The following EXTL1 variants were observed in gnomAD, a reference collection of about 807,000 sequenced individuals.
The protein encoded by EXTL1 is exostosin like glycosyltransferase 1.
A neutral mutation model predicts 64.6 loss-of-function variants in EXTL1; 43 were observed. The observed-to-expected ratio is 0.67, with a 90% CI of 0.52 to 0.86. EXTL1 has a LOEUF of 0.86. Ranked by LOEUF, EXTL1 falls within the 40% of genes least tolerant of loss-of-function variation. EXTL1 has a pLI of 0.00. For synonymous variants in EXTL1, 352 were observed against 360.5 expected (o/e 0.98, Z 0.27); for missense variants, 766 against 879.0 (o/e 0.87, Z 1.62).
chr1:26,027,363 G>C (rs2050227715), intron 1 of EXTL1, among the ~76,000 whole-genome samples: 1 of 152,184 alleles, frequency 6.6e-6, no homozygotes, highest in Non-Finnish European at 1.5e-5. Flanking sequence ...CTATCTCATA[G>C]AGGTGCTGTG....
chr1:26,031,124 C>T lies in EXTL1; in HGVS notation c.1102-8C>T, dbSNP rs2050280630. On this transcript the variant is annotated splice_region_variant and splice_polypyrimidine_tract_variant and intron_variant, in intron 4 of 10. Coordinates refer to ENST00000374280, the MANE Select transcript of EXTL1 (RefSeq NM_004455.3). ...CACTCGCTCTGCTCAGCTTCTCTCT[C>T]ATTTTAGGTTATTCAGGACCGGATT... 2 of 1,613,992 alleles carry T rather than the reference C, an allele frequency of 1.2e-6. No homozygotes were observed. The highest frequency in any genetic ancestry group is 2.7e-5 in the African/African-American group (2 of 74,942).
chr1:26,032,029 A>C (rs371482327), intron 6 of EXTL1: 2 of 238,292 alleles, frequency 8.4e-6, no homozygotes, highest in Non-Finnish European at 1.6e-5. Flanking sequence ...GGAAGGCTCC[A>C]AACAGGCCAT....
chr1:26,030,505 T>A lies in EXTL1; in HGVS notation c.1011T>A (p.Pro337=). The A allele has an allele frequency of 1.2e-6, 2 of 1,613,348 alleles. No individual in the cohort carries two copies. The highest frequency in any genetic ancestry group is 4.5e-5 in the East Asian group (2 of 44,874). Residue 337 remains proline, a synonymous_variant, in exon 4 of 11, where the codon CCT becomes CCA. Coordinates refer to ENST00000374280, the MANE Select transcript of EXTL1 (RefSeq NM_004455.3). The part of the protein sequence containing the change: ...QVLAALQEMS[P]ARVLALRQQT... ...TGGCTGCCCTCCAGGAGATGTCCCC[T>A]GCACGGGTCCTCGCCCTGCGTCAGC...
chr1:26,031,648 C>A, intron 6 of EXTL1, 82 bp downstream of exon 6: 2 of 735,118 alleles, frequency 2.7e-6, no homozygotes, highest in Admixed American at 3.7e-5. Flanking sequence ...TTCCAGACCC[C>A]AAAGATGACC....
intron 5 of EXTL1, 69 bp from the exon 6 acceptor site, chr1:26,031,391 C>G (rs889104492): frequency 4.4e-6 from 6 of 1,375,372 alleles, no homozygotes; most frequent in Non-Finnish European, 6.0e-6. Flanking sequence ...CCGGGGATTC[C>G]CTACTCAGGT....
intron 6 of EXTL1, 82 bp from the exon 7 acceptor site, chr1:26,032,314 C>T: frequency 1.1e-6 from 1 of 894,990 alleles, no homozygotes; most frequent in Middle Eastern, 2.2e-4. Flanking sequence ...CTTCTTCCAC[C>T]TTGAGAAAGA....
chr1:26,031,857 C>A (rs2802319), intron 6 of EXTL1, among the ~76,000 whole-genome samples: 1 of 152,226 alleles, frequency 6.6e-6, no homozygotes, highest in Non-Finnish European at 1.5e-5. Context: ...GGGCTTAAGG[C>A]TGAGCAGATA....
chr1:26,029,238 C>T lies in EXTL1; in HGVS notation c.825C>T (p.Ile275=), dbSNP rs1388934068. 6.2e-7 allele frequency: 1 copy of T among 1,613,920 alleles called. No homozygotes were observed. The highest frequency in any genetic ancestry group is 2.2e-5 in the East Asian group (1 of 44,862). The stretch of plus-strand genomic sequence containing the variant: ...TGCCCAATGCCACCTTCTGCCTCAT[C>T]TCTGGCCACCGTCCCGAGGCTGCCT... ...ETLPNATFCL[I]SGHRPEAASR... is the part of the protein sequence containing the mutation. The change falls in exon 2 of 11, where the codon ATC becomes ATT. Residue 275 remains isoleucine (I), a synonymous_variant. Transcript: ENST00000374280.
Position 26,033,254 on chromosome 1 carries a change from G to A in EXTL1, c.1457G>A (p.Ser486Asn). ...GTTAGTGATCGCTTCTACCCATATA[G>A]CACCATCAGAACAGATGCCATCCTC... Reference protein sequence around the residue: ...RKVSDRFYPYSTIRTDAILSL... With the variant: ...RKVSDRFYPYNTIRTDAILSL... The change falls in exon 8 of 11, where the codon AGC becomes AAC. Residue 486 changes from serine to asparagine, a missense_variant. Ser to Asn is a conservative substitution (Grantham distance 46). This residue lies in a region of EXTL1 where 571 missense variants were observed against 647.6 expected (regional missense o/e 0.88). Coordinates refer to ENST00000374280, the MANE Select transcript of EXTL1 (RefSeq NM_004455.3). This position sits in a 1 kb window ranked among gnomAD's most constrained non-coding sequence, Gnocchi z 5.1. 6.2e-7 allele frequency: 1 copy of A among 1,613,954 alleles called. No homozygotes were observed. Among genetic ancestry groups the A allele is most frequent in the South Asian group, 1.1e-5 (1 of 91,082 alleles).
chr1:26,033,229 G>A lies in EXTL1; in HGVS notation c.1432G>A (p.Val478Ile). The change falls in exon 8 of 11, where the codon GTT becomes ATT. Residue 478 changes from valine (V) to isoleucine (I), a missense_variant and splice_region_variant. Transcript: ENST00000374280. The surrounding 1 kb of genome is among the most constrained non-coding windows in gnomAD (Gnocchi z 5.1). ...AGTTCCCCTCCCCCACTCCCTGCAG[G>A]TTAGTGATCGCTTCTACCCATATAG... ...PLTVIDGHRK[V>I]SDRFYPYSTI... 2 of 1,611,744 alleles carry A rather than the reference G, an allele frequency of 1.2e-6. No homozygotes were observed. The highest frequency in any genetic ancestry group is 4.5e-5 in the East Asian group (2 of 44,870).
At chr1:26,027,943 A>G (rs3008212) in intron 1 of EXTL1, among the ~76,000 whole-genome samples, 1 of 152,200 alleles carries the variant, frequency 6.6e-6, no homozygotes, top group Non-Finnish European at 1.5e-5. Context: ...ACAGAGGATC[A>G]AGGGAGGTTA....
chr1:26,035,172 G>A lies in EXTL1; in HGVS notation c.1856G>A (p.Gly619Glu). 2 of 1,600,330 alleles carry A rather than the reference G, an allele frequency of 1.2e-6. No individual in the cohort carries two copies. The highest frequency in any genetic ancestry group is 8.5e-7 in the Non-Finnish European group (1 of 1,173,024). The change falls in exon 11 of 11, where the codon GGG (glycine) becomes GAG (glutamate). Residue 619 changes from glycine (G) to glutamate (E), a missense_variant. Around this residue, in one of 3 missense-constraint regions of EXTL1, gnomAD observed 194 missense variants for 214.5 expected, o/e 0.90. Coordinates refer to ENST00000374280, the MANE Select transcript of EXTL1 (RefSeq NM_004455.3). The surrounding 1 kb of genome is among the most constrained non-coding windows in gnomAD (Gnocchi z 5.3). ...QRQEAAPLAP[G>E]GPGPRPKPPA... ...TGCTTCTTTCCCTCTTAGGCGCCTG[G>A]GGGCCCGGGGCCCAGGCCAAAGCCG...
At chr1:26,031,092 C>T (rs778748477) in intron 4 of EXTL1, 40 bp from the exon 5 acceptor site, 1 of 1,613,576 alleles carries the variant, frequency 6.2e-7, no homozygotes, top group South Asian at 1.1e-5. Flanking sequence ...GCCATGGTCA[C>T]ACAGGCCACT....
In EXTL1 at chr1:26,029,722, T is replaced by A; in HGVS notation, c.981+15T>A. On this transcript the variant is annotated intron_variant, in intron 3 of 10. Transcript: ENST00000374280. Reference sequence around the variant, plus strand: ...TCCCACTTCAGGTAGCTCAGAGCCCTGCCCACAGGGTGGGAACTGGACCCA... The same window carrying A: ...TCCCACTTCAGGTAGCTCAGAGCCCAGCCCACAGGGTGGGAACTGGACCCA... The A allele has an allele frequency of 6.4e-7, 1 of 1,566,882 alleles. No homozygotes were observed. The highest frequency in any genetic ancestry group is 8.8e-7 in the Non-Finnish European group (1 of 1,140,168).
At position 26,032,394 on chromosome 1, in the gene EXTL1, AG is replaced by A. The variant is rs1431927492; in HGVS notation, c.1342-1del. On this transcript the variant is annotated splice_acceptor_variant, in intron 6 of 10. Coordinates refer to ENST00000374280, the MANE Select transcript of EXTL1 (RefSeq NM_004455.3). LOFTEE classifies it high-confidence loss of function. ...CTTCAAGAACAACCCCCTATCCTCT[AG>A]ATCTTGGTTCTCTGGAGCAATGAGA... 1 of 1,552,900 alleles carries A rather than the reference AG, an allele frequency of 6.4e-7. No homozygotes were observed. Among genetic ancestry groups the A allele is most frequent in the Non-Finnish European group, 8.7e-7 (1 of 1,147,172 alleles).
At chr1:26,029,845 G>C (rs1406174888) in intron 3 of EXTL1, 138 bp downstream of exon 3, 1 of 629,180 alleles carries the variant, frequency 1.6e-6, no homozygotes, top group Non-Finnish European at 2.9e-6. Context: ...CTAGCACCAA[G>C]TCTCCCCTCT....
chr1:26,031,315 C>A (rs771577315), intron 5 of EXTL1, 51 bp downstream of exon 5: 16 of 1,587,718 alleles, frequency 1.0e-5, no homozygotes, highest in African/African-American at 1.4e-5. Context: ...CTACCCAGGG[C>A]TGCCCCAGCC....
Position 26,023,271 on chromosome 1 carries a change from G to A in EXTL1, c.625G>A (p.Gly209Ser), listed in dbSNP as rs2050175509. 1 of 1,583,082 alleles carries A rather than the reference G, an allele frequency of 6.3e-7. No individual in the cohort carries two copies. Among genetic ancestry groups the A allele is most frequent in the Non-Finnish European group, 8.6e-7 (1 of 1,160,822 alleles). Residue 209 changes from glycine to serine, a missense_variant, in exon 1 of 11, where the codon GGT (glycine) becomes AGT (serine). By Grantham distance (56) the Gly-to-Ser change is moderately conservative. This residue lies in a region of EXTL1 where 571 missense variants were observed against 647.6 expected (regional missense o/e 0.88). Coordinates refer to ENST00000374280, the MANE Select transcript of EXTL1 (RefSeq NM_004455.3). ...PFLPEAHPLR[G>S]GAPGQLRQHS... ...TCTCCCTGAAGCCCACCCGTTGCGAGGTGGGGCTCCTGGCCAGCTGCGGCA... is the reference window on the plus strand; with the variant it reads ...TCTCCCTGAAGCCCACCCGTTGCGAAGTGGGGCTCCTGGCCAGCTGCGGCA...
chr1:26,028,765 G>A (rs991169255), intron 1 of EXTL1, among the ~76,000 whole-genome samples: 1 of 152,208 alleles, frequency 6.6e-6, no homozygotes, highest in African/African-American at 2.4e-5. Context: ...GGGGAGGGCT[G>A]GGCTCAGAGG....
Sources: allele counts gnomAD v4.1 joint callset (sites outside exome capture counted in the v4.1 genomes callset), GRCh38; gene constraint gnomAD v4.1.1; regional missense constraint gnomAD v4.1.1; non-coding constraint Gnocchi (gnomAD v3.1); transcripts MANE v1.5; gene names NCBI Gene and HGNC (gene_info 2026-07-23, HGNC 2026-07-21).